The following MINDY3 variants were observed in gnomAD, a reference collection of about 807,000 sequenced individuals.
The protein encoded by MINDY3 is ubiquitin carboxyl-terminal hydrolase MINDY-3.
In MINDY3, 38 loss-of-function variants were observed where a neutral mutation model predicts 69.2. The observed-to-expected ratio is 0.55, with a 90% confidence interval of 0.42 to 0.72. The LOEUF is 0.72. MINDY3 is among the 30% of genes least tolerant of loss of function. The pLI is 0.00. For synonymous variants in MINDY3, 192 were observed against 180.1 expected (o/e 1.07, Z -0.53); for missense variants, 522 against 519.0 (o/e 1.01, Z -0.06).
At chr10:15,842,750 G>T (rs1236736326) in intron 3 of MINDY3, among the ~76,000 whole-genome samples, 1 of 151,746 alleles carries the variant, frequency 6.6e-6, no homozygotes, top group African/African-American at 2.4e-5. Context: ...ACATCTCTCT[G>T]GGTACAGAAG....
At chr10:15,807,089 G>T (rs140875558) in intron 10 of MINDY3, among the ~76,000 whole-genome samples, 70 of 152,202 alleles carry the variant, frequency 4.6e-4, no homozygotes, top group African/African-American at 1.6e-3. Context: ...AGATGAAAAC[G>T]GCACGCAGCT....
intron 8 of MINDY3, among the ~76,000 whole-genome samples, chr10:15,822,524 A>C (rs995995991): frequency 3.9e-5 from 6 of 152,224 alleles, no homozygotes; most frequent in South Asian, 4.1e-4. Context: ...TAAGGAATGA[A>C]GAATTTGGCA....
intron 8 of MINDY3, among the ~76,000 whole-genome samples, chr10:15,826,699 T>G (rs1411953432): frequency 6.6e-6 from 1 of 152,126 alleles, no homozygotes; most frequent in Non-Finnish European, 1.5e-5. Flanking sequence ...AATTGTGAAG[T>G]TTTGCATAAG....
Position 15,843,262 on chromosome 10 carries a change from A to T in MINDY3, c.185T>A (p.Leu62Ter), listed in dbSNP as rs1345581957. ...AVIAPVQAFL[L>*]KKLLFSSEKS... is the part of the protein sequence containing the mutation. ...CTCCGAAGAAAACAGGAGCTTCTTC[A>T]AAAGAAATGCCTTTACACAATTAAA... is the stretch of plus-strand genomic sequence containing the variant. The change falls in exon 3 of 15, where the codon TTG becomes TAG. Residue 62 changes from leucine to a stop codon, truncating the protein, a stop_gained. Coordinates refer to ENST00000277632, the MANE Select transcript of MINDY3 (RefSeq NM_024948.4). LOFTEE classifies it high-confidence loss of function. The T allele has an allele frequency of 6.2e-7, 1 of 1,611,954 alleles. No individual in the cohort carries two copies. The highest frequency in any genetic ancestry group is 8.5e-7 in the Non-Finnish European group (1 of 1,178,156).
intron 10 of MINDY3, 39 bp from the exon 11 acceptor site, chr10:15,796,211 A>T: frequency 6.6e-7 from 1 of 1,519,828 alleles, no homozygotes; most frequent in Non-Finnish European, 9.1e-7. Context: ...CAGCTACAGT[A>T]TTATGACATT....
intron 10 of MINDY3, among the ~76,000 whole-genome samples, chr10:15,804,060 C>G (rs1286875232): frequency 1.3e-5 from 2 of 152,078 alleles, no homozygotes; most frequent in Admixed American, 6.6e-5. Context: ...GATTTACCAT[C>G]AAAATTATTT....
At chr10:15,833,745 T>C (rs749082044) in intron 7 of MINDY3, 36 bp from the exon 8 acceptor site, 3 of 1,304,684 alleles carry the variant, frequency 2.3e-6, no homozygotes, top group East Asian at 4.7e-5. Context: ...TAAATATGAA[T>C]ATAGTTGCCA....
intron 4 of MINDY3, among the ~76,000 whole-genome samples, chr10:15,839,925 C>T (rs533113400): frequency 4.0e-5 from 6 of 151,538 alleles, no homozygotes; most frequent in Non-Finnish European, 7.4e-5. Context: ...AAATTAGTTA[C>T]TGAAGTACCA....
At chr10:15,834,819 G>A (rs894462196) in intron 6 of MINDY3, among the ~76,000 whole-genome samples, 1 of 151,934 alleles carries the variant, frequency 6.6e-6, no homozygotes, top group Non-Finnish European at 1.5e-5. Context: ...TCTTTCATGG[G>A]CTCTATATAA....
chr10:15,860,313 C>A lies in MINDY3; in HGVS notation c.-14G>T, dbSNP rs773371657. 5 of 1,577,218 alleles carry A rather than the reference C, an allele frequency of 3.2e-6. No individual in the cohort carries two copies. In the South Asian group the frequency reaches 4.6e-5, roughly 15 times the overall value. On this transcript the variant is annotated 5_prime_UTR_variant, in exon 1 of 15. Transcript: ENST00000277632. Reference sequence around the variant, plus strand: ...CAGTTCGGACATGATGAGGAACCGGCGGGCGGATCTTCGCTTTGCGGACTC... The same window carrying A: ...CAGTTCGGACATGATGAGGAACCGGAGGGCGGATCTTCGCTTTGCGGACTC...
intron 10 of MINDY3, among the ~76,000 whole-genome samples, chr10:15,804,270 G>A (rs955572327): frequency 1.1e-4 from 17 of 151,934 alleles, no homozygotes; most frequent in Admixed American, 1.1e-3. Context: ...CTGTTAATGG[G>A]ACTATCTAAT....
At position 15,837,401 on chromosome 10, in the gene MINDY3, T is replaced by C. The variant is rs777236595; in HGVS notation, c.462-83A>G. ...AAGGGAAAATTTTTAAATTTTCTTA[T>C]ACATTAAAACATATACATACAAACA... is the stretch of plus-strand genomic sequence containing the variant. On this transcript the variant is annotated intron_variant, in intron 5 of 14. Transcript: ENST00000277632. 78 of 1,252,418 alleles carry C rather than the reference T, an allele frequency of 6.2e-5. 1 individual carries two copies. The highest frequency in any genetic ancestry group is 8.3e-5 in the Non-Finnish European group (74 of 893,104). 77.6% of individuals were successfully genotyped at this position (1,252,418 alleles called of 1,614,324 possible).
chr10:15,794,846 A>AT lies in MINDY3; in HGVS notation c.955+1253dup, dbSNP rs1354976915. Among the ~76,000 whole-genome samples, 3 of 152,036 alleles carry AT rather than the reference A, an allele frequency of 2.0e-5. No individual in the cohort carries two copies. The East Asian group carries it at 5.8e-4, about 29-fold the overall frequency. On this transcript the variant is annotated intron_variant, in intron 11 of 14. Coordinates refer to ENST00000277632, the MANE Select transcript of MINDY3 (RefSeq NM_024948.4). Reference sequence around the variant, plus strand: ...TCAGTATCTTTGCAGCATTGATGAAATTTTTTCAGCCTTACAACATCAGCC... The same window carrying AT: ...TCAGTATCTTTGCAGCATTGATGAAATTTTTTTCAGCCTTACAACATCAGCC...
chr10:15,841,417 A>G lies in MINDY3; in HGVS notation c.409+9T>C, dbSNP rs781645809. On this transcript the variant is annotated intron_variant, in intron 4 of 14. Coordinates refer to ENST00000277632, the MANE Select transcript of MINDY3 (RefSeq NM_024948.4). ...GAAAAAAACTTCAGGAAATAAAAAT[A>G]TATCTTACAAGAATGTTCCACTTGG... The G allele has an allele frequency of 1.9e-6, 3 of 1,593,368 alleles. No individual in the cohort carries two copies. Among genetic ancestry groups the G allele is most frequent in the East Asian group, 2.2e-5 (1 of 44,588 alleles).
rs769753113 is a variant in MINDY3 at position 15,847,841 on chromosome 10, G to A, written c.174+23C>T. On this transcript the variant is annotated intron_variant, in intron 2 of 14. Coordinates refer to ENST00000277632, the MANE Select transcript of MINDY3 (RefSeq NM_024948.4). ...ACGTTTCAAAATGTCCCTCTAAGGA[G>A]TTGGTAAAGGAGTCTATGTTACCTG... 4.4e-6 allele frequency: 7 copies of A among 1,577,922 alleles called. No individual in the cohort carries two copies. The Admixed American group carries it at 1.2e-4, about 26-fold the overall frequency.
intron 8 of MINDY3, among the ~76,000 whole-genome samples, chr10:15,826,872 A>T (rs1840117203): frequency 6.6e-6 from 1 of 152,184 alleles, no homozygotes; most frequent in African/African-American, 2.4e-5. Context: ...CATACCATTC[A>T]TAAATACAAA....
intron 2 of MINDY3, among the ~76,000 whole-genome samples, chr10:15,846,241 T>C (rs1833834374): frequency 2.0e-5 from 3 of 152,218 alleles, no homozygotes; most frequent in South Asian, 2.1e-4. Flanking sequence ...TGAAATATAC[T>C]GTACTTTATA....
At chr10:15,860,114 C>T in intron 1 of MINDY3, 92 bp downstream of exon 1, 1 of 933,830 alleles carries the variant, frequency 1.1e-6, no homozygotes, top group Non-Finnish European at 1.7e-6. Flanking sequence ...GAGAGCGGGG[C>T]ACGCGAGGGG....
At chr10:15,789,820 G>A (rs1837277703) in intron 11 of MINDY3, among the ~76,000 whole-genome samples, 1 of 151,950 alleles carries the variant, frequency 6.6e-6, no homozygotes, top group African/African-American at 2.4e-5. Flanking sequence ...AACAGACTTG[G>A]TGATTTAAAT....
Sources: allele counts gnomAD v4.1 joint callset (sites outside exome capture counted in the v4.1 genomes callset), GRCh38; gene constraint gnomAD v4.1.1; transcripts MANE v1.5; gene names NCBI Gene and HGNC (gene_info 2026-07-23, HGNC 2026-07-21).